The following HS3ST3B1 variants were observed in gnomAD, a reference collection of about 807,000 sequenced individuals.
HS3ST3B1 encodes the protein heparan sulfate-glucosamine 3-sulfotransferase 3B1, also known as heparan sulfate glucosamine 3-O-sulfotransferase 3B1.
In HS3ST3B1, 13 loss-of-function variants were observed where a neutral mutation model predicts 21.3. That is an observed-to-expected ratio of 0.61 (90% CI 0.40 to 0.97). The LOEUF (loss-of-function observed/expected upper bound fraction) is 0.97, where lower values mean the gene tolerates loss of function less well. HS3ST3B1 is among the 50% of genes least tolerant of loss of function. HS3ST3B1 has a pLI of 0.00. For synonymous variants in HS3ST3B1, 234 were observed against 254.8 expected (o/e 0.92, Z 0.78); for missense variants, 459 against 554.8 (o/e 0.83, Z 1.73).
At chr17:14,319,229 C>A (rs73255282) in intron 1 of HS3ST3B1, among the ~76,000 whole-genome samples, 8,610 of 152,250 alleles carry the variant, frequency 0.057, 779 homozygotes, top group African/African-American at 0.19. Context: ...AGTTTTCTAG[C>A]AGCTTGTCAA....
intron 1 of HS3ST3B1, among the ~76,000 whole-genome samples, chr17:14,302,904 T>C (rs1342951913): frequency 2.6e-5 from 4 of 152,162 alleles, no homozygotes; most frequent in Non-Finnish European, 1.5e-5. Context: ...GAGCAAAGAA[T>C]ATTCGGGGCC....
At chr17:14,332,560 A>G (rs546341798) in intron 1 of HS3ST3B1, among the ~76,000 whole-genome samples, 94 of 152,240 alleles carry the variant, frequency 6.2e-4, no homozygotes, top group Non-Finnish European at 1.2e-3. Flanking sequence ...TGGAATGGAA[A>G]TCTTTCCTGG....
intron 1 of HS3ST3B1, among the ~76,000 whole-genome samples, chr17:14,322,061 T>G (rs996474483): frequency 1.3e-5 from 2 of 150,842 alleles, no homozygotes; most frequent in Non-Finnish European, 2.9e-5. Context: ...AAAAATTAAT[T>G]TAAACCCAAA....
intron 1 of HS3ST3B1, among the ~76,000 whole-genome samples, chr17:14,319,094 G>C (rs1260720539): frequency 1.3e-5 from 2 of 152,186 alleles, no homozygotes; most frequent in African/African-American, 4.8e-5. Context: ...CAGAAGCTCA[G>C]GTGCGGAGAG....
rs1176443560 is a variant in HS3ST3B1, at chr17:14,303,500, G to C, written c.554+1428G>C. ...GACAGTCATCTTTCCCACCGTTCCC[G>C]GGCTGTGACCCATTCTCGGGACACT... On this transcript the variant is annotated intron_variant, in intron 1 of 1. Transcript: ENST00000360954. This position sits in a 1 kb window ranked among gnomAD's most constrained non-coding sequence, Gnocchi z 5.7. Among the ~76,000 whole-genome samples, 1 of 152,090 alleles carries C rather than the reference G, an allele frequency of 6.6e-6. No homozygotes were observed. Among genetic ancestry groups the C allele is most frequent in the African/African-American group, 2.4e-5 (1 of 41,404 alleles).
At chr17:14,320,087 A>C (rs1439502833) in intron 1 of HS3ST3B1, among the ~76,000 whole-genome samples, 5 of 152,196 alleles carry the variant, frequency 3.3e-5, no homozygotes, top group Non-Finnish European at 5.9e-5. Context: ...TATGAGTGGA[A>C]GGGACAGGAC....
chr17:14,301,967 C>A lies in HS3ST3B1; in HGVS notation c.449C>A (p.Thr150Lys), dbSNP rs1317453713. 1.9e-6 allele frequency: 3 copies of A among 1,608,750 alleles called. No homozygotes were observed. Among genetic ancestry groups the A allele is most frequent in the Non-Finnish European group, 8.5e-7 (1 of 1,178,370 alleles). The change falls in exon 1 of 2, where the codon ACG becomes AAG. Residue 150 changes from threonine to lysine, a missense_variant. Physicochemically the swap from Thr to Lys is moderately conservative, Grantham distance 78. Around this residue, in one of 3 missense-constraint regions of HS3ST3B1, gnomAD observed 317 missense variants for 278.6 expected, o/e 1.14. Coordinates refer to ENST00000360954, the MANE Select transcript of HS3ST3B1 (RefSeq NM_006041.3). ...AIIIGVKKGG[T>K]RALLEFLRVH... is the part of the protein sequence containing the mutation. ...ATCATCGGCGTGAAGAAGGGCGGCA[C>A]GCGGGCGCTGCTGGAGTTTCTGCGC...
intron 1 of HS3ST3B1, among the ~76,000 whole-genome samples, chr17:14,326,118 A>G (rs1015821470): frequency 2.0e-5 from 3 of 152,156 alleles, no homozygotes; most frequent in African/African-American, 7.2e-5. Context: ...CAAGGAGTGT[A>G]TAGAAATATA....
intron 1 of HS3ST3B1, chr17:14,305,510 T>C (rs1345811414): frequency 6.6e-6 from 1 of 152,248 alleles, no homozygotes; most frequent in Non-Finnish European, 1.5e-5. Context: ...ACTTTTAAAG[T>C]TTCTCTTTGT....
Position 14,338,326 on chromosome 17 carries a change from A to G in HS3ST3B1, c.555-6702A>G, listed in dbSNP as rs578009527. Among the ~76,000 whole-genome samples the G allele has an allele frequency of 5.3e-5, 8 of 151,566 alleles. No individual in the cohort carries two copies. In the South Asian group the frequency reaches 8.3e-4, roughly 16 times the overall value. On this transcript the variant is annotated intron_variant, in intron 1 of 1. Coordinates refer to ENST00000360954, the MANE Select transcript of HS3ST3B1 (RefSeq NM_006041.3). ...ATTTTAGTAGAGATGGGGTTTCATCATGTTAGCCAGGACGGTCTCGATCTC... is the reference window on the plus strand; with the variant it reads ...ATTTTAGTAGAGATGGGGTTTCATCGTGTTAGCCAGGACGGTCTCGATCTC...
chr17:14,321,934 A>G (rs1319084239), intron 1 of HS3ST3B1, among the ~76,000 whole-genome samples: 1 of 151,956 alleles, frequency 6.6e-6, no homozygotes, highest in Non-Finnish European at 1.5e-5. Context: ...TCATATATAT[A>G]TATACACACA....
At position 14,301,377 on chromosome 17, in the gene HS3ST3B1, A is replaced by G. The variant is rs1429787650; in HGVS notation, c.-142A>G. ...CCACCTGGGGAAGAGCAGCAGCAGC[A>G]GCGGCGGCCGCGGGCACACGGGGGC... On this transcript the variant is annotated 5_prime_UTR_variant, in exon 1 of 2. Transcript: ENST00000360954. 47 of 656,086 alleles carry G rather than the reference A, an allele frequency of 7.2e-5. 1 individual carries two copies. Among genetic ancestry groups the G allele is most frequent in the South Asian group, 2.3e-4 (7 of 30,220 alleles). 40.6% of individuals were successfully genotyped at this position (656,086 alleles called of 1,614,324 possible). A position where few individuals can be genotyped will look rare whatever the true frequency, so the allele number is the denominator to read the frequency against.
intron 1 of HS3ST3B1, among the ~76,000 whole-genome samples, chr17:14,343,544 G>T (rs1910456077): frequency 6.6e-6 from 1 of 152,110 alleles, no homozygotes; most frequent in Non-Finnish European, 1.5e-5. Flanking sequence ...TTTTCTGTGA[G>T]ATCAACTTTT....
At chr17:14,309,569 G>T (rs1042776663) in intron 1 of HS3ST3B1, among the ~76,000 whole-genome samples, 1 of 152,188 alleles carries the variant, frequency 6.6e-6, no homozygotes. Flanking sequence ...CCCCGCCCCC[G>T]CCGGTGTTGG....
chr17:14,338,184 GGT>G (rs1910246826), intron 1 of HS3ST3B1, among the ~76,000 whole-genome samples: 1 of 151,778 alleles, frequency 6.6e-6, no homozygotes, highest in African/African-American at 2.4e-5. Flanking sequence ...GGAGTGCAGT[GGT>G]GCAATCTCAG....
At chr17:14,311,802 G>T (rs1354902477) in intron 1 of HS3ST3B1, among the ~76,000 whole-genome samples, 2 of 152,062 alleles carry the variant, frequency 1.3e-5, no homozygotes, top group Non-Finnish European at 2.9e-5. Flanking sequence ...TGTAATCCCA[G>T]GTATGCATCA....
intron 1 of HS3ST3B1, among the ~76,000 whole-genome samples, chr17:14,332,838 T>C (rs1262455719): frequency 1.3e-4 from 19 of 148,456 alleles, no homozygotes; most frequent in Non-Finnish European, 2.4e-4. Context: ...TCTTTTTTTT[T>C]TTTTTTTTTT....
At position 14,343,615 on chromosome 17, in the gene HS3ST3B1, G is replaced by A. The variant is rs540600780; in HGVS notation, c.555-1413G>A. ...TGTCTTTCTGTGCCTGATTTATTTC[G>A]CTTAGCATAATGTCTTCCAGTTGCA... On this transcript the variant is annotated intron_variant, in intron 1 of 1. Coordinates refer to ENST00000360954, the MANE Select transcript of HS3ST3B1 (RefSeq NM_006041.3). 1.9e-3 allele frequency among the ~76,000 whole-genome samples: 287 copies of A among 152,040 alleles called. 2 individuals carry two copies. The highest frequency in any genetic ancestry group is 6.7e-3 in the African/African-American group (276 of 41,462).
At chr17:14,330,848 G>A (rs1395492874) in intron 1 of HS3ST3B1, among the ~76,000 whole-genome samples, 3 of 152,080 alleles carry the variant, frequency 2.0e-5, no homozygotes, top group Non-Finnish European at 4.4e-5. Flanking sequence ...CATAGGGCTG[G>A]AGCCCCACCG....
Sources: allele counts gnomAD v4.1 joint callset (sites outside exome capture counted in the v4.1 genomes callset), GRCh38; gene constraint gnomAD v4.1.1; regional missense constraint gnomAD v4.1.1; non-coding constraint Gnocchi (gnomAD v3.1); transcripts MANE v1.5; gene names NCBI Gene and HGNC (gene_info 2026-07-23, HGNC 2026-07-21).